GRK7: variants seen among roughly 807,000 people sequenced by gnomAD.
GRK7 encodes G protein-coupled receptor kinase 7.
A neutral mutation model predicts 34.1 loss-of-function variants in GRK7; 24 were observed. The ratio of observed to expected loss-of-function variants is 0.70; its 90% confidence interval spans 0.51 to 0.99. The LOEUF is 0.99. GRK7 is among the 50% of genes least tolerant of loss of function. GRK7 has a pLI of 0.00. For missense variants in GRK7, 644 were observed against 707.3 expected, an observed-to-expected ratio of 0.91 and a Z score of 1.02; for synonymous variants, 256 against 279.4, an observed-to-expected ratio of 0.92 and a Z score of 0.84.
chr3:141,757,033 C>A, the GRK7 span, among the ~76,000 whole-genome samples: 1 of 151,606 alleles, frequency 6.6e-6, no homozygotes, highest in South Asian at 2.1e-4. Context: ...AATCTTGGAG[C>A]TACCCCCAAT....
intron 5 of GRK7, among the ~76,000 whole-genome samples, chr3:141,808,731 T>A (rs1373946017): frequency 6.6e-6 from 1 of 151,220 alleles, no homozygotes; most frequent in Non-Finnish European, 1.5e-5. Context: ...AGAAAGAAAG[T>A]AAGTAGAACG....
Position 141,817,107 on chromosome 3 carries a change from T to C in GRK7, c.*57T>C. The C allele has an allele frequency of 7.5e-7, 1 of 1,331,482 alleles. No individual in the cohort carries two copies. The allele number at this position is 1,331,482 out of a possible 1,614,324, so 82.5% of individuals were successfully genotyped here. ...TCTCGGCTGACATAATCCTCGAATG[T>C]TCCACACGTGGAAATCTGTGGAATG... On this transcript the variant is annotated 3_prime_UTR_variant, in exon 6 of 6. Coordinates refer to ENST00000682958, the MANE Select transcript of GRK7 (RefSeq NM_139209.3).
chr3:141,807,862 C>G lies in GRK7; in HGVS notation c.1268C>G (p.Ala423Gly), dbSNP rs757873502. The change falls in exon 5 of 6, where the codon GCA becomes GGA. Residue 423 changes from alanine (A) to glycine (G), a missense_variant. Ala to Gly is a moderately conservative substitution (Grantham distance 60). Coordinates refer to ENST00000682958, the MANE Select transcript of GRK7 (RefSeq NM_139209.3). ...KFQHDNFTEEAKDICRLFLAK... is the reference protein window; with the variant it reads ...KFQHDNFTEEGKDICRLFLAK... ...CAGCATGATAACTTCACAGAGGAAGCAAAAGATATTTGCAGGCTCTTCTTG... is the reference window on the plus strand; with the variant it reads ...CAGCATGATAACTTCACAGAGGAAGGAAAAGATATTTGCAGGCTCTTCTTG... The G allele has an allele frequency of 6.2e-7, 1 of 1,611,116 alleles. No homozygotes were observed. Among genetic ancestry groups the G allele is most frequent in the Non-Finnish European group, 8.5e-7 (1 of 1,177,986 alleles).
intron 2 of GRK7, among the ~76,000 whole-genome samples, chr3:141,777,342 T>TTTTTTTTTTTTTTTTTTTTTTAA (rs1577912931): frequency 8.1e-6 from 1 of 123,934 alleles, no homozygotes; most frequent in Non-Finnish European, 1.7e-5. Flanking sequence ...TTTTTTTTTT[T>TTTTTTTTTTTTTTTTTTTTTTAA]GAGACGGAGT....
chr3:141,779,804 A>G (rs1245822439), intron 3 of GRK7, among the ~76,000 whole-genome samples: 1 of 152,212 alleles, frequency 6.6e-6, no homozygotes, highest in African/African-American at 2.4e-5. Context: ...TTCACTCATT[A>G]GAATGTTTTT....
chr3:141,810,893 T>C (rs1367319738), intron 5 of GRK7, among the ~76,000 whole-genome samples: 1 of 152,156 alleles, frequency 6.6e-6, no homozygotes, highest in Non-Finnish European at 1.5e-5. Flanking sequence ...TCTACCCTCA[T>C]GATCTTCAAG....
At chr3:141,756,008 TAAAAAAA>T in the GRK7 span, among the ~76,000 whole-genome samples, 3 of 137,560 alleles carry the variant, frequency 2.2e-5, no homozygotes, top group Non-Finnish European at 4.8e-5. Flanking sequence ...CTCAGCAGTT[TAAAAAAA>T]AAAAAAAAAA....
At position 141,780,344 on chromosome 3, in the gene GRK7, C is replaced by A. The variant is rs142906049; in HGVS notation, c.613-30C>A. ...TCTCTGCAGTACCATCTACTTCTACCTCTTTCTCTTCTTTTCTTTCTCCTT... is the reference window on the plus strand; with the variant it reads ...TCTCTGCAGTACCATCTACTTCTACATCTTTCTCTTCTTTTCTTTCTCCTT... On this transcript the variant is annotated intron_variant, in intron 3 of 5. Transcript: ENST00000682958. 8.1e-5 allele frequency: 128 copies of A among 1,588,064 alleles called. No individual in the cohort carries two copies. In the African/African-American group the frequency reaches 1.5e-3, roughly 18 times the overall value.
chr3:141,817,120 A>AC lies in GRK7; in HGVS notation c.*70_*71insC. The AC allele has an allele frequency of 8.3e-7, 1 of 1,211,222 alleles. No individual in the cohort carries two copies. 75.0% of individuals were successfully genotyped at this position (1,211,222 alleles called of 1,614,324 possible). On this transcript the variant is annotated 3_prime_UTR_variant, in exon 6 of 6. Transcript: ENST00000682958. ...AATCCTCGAATGTTCCACACGTGGA[A>AC]ATCTGTGGAATGAGGGCTAATCAGT...
chr3:141,759,997 GTGA>G (rs2084548155), upstream of GRK7, among the ~76,000 whole-genome samples: 1 of 67,904 alleles, frequency 1.5e-5, no homozygotes, highest in African/African-American at 6.1e-5. Context: ...GGGATCAGTG[GTGA>G]TATCCCCTTT....
intron 4 of GRK7, among the ~76,000 whole-genome samples, chr3:141,784,719 C>T (rs2084687600): frequency 6.6e-6 from 1 of 152,212 alleles, no homozygotes; most frequent in African/African-American, 2.4e-5. Flanking sequence ...TAGAGAATTA[C>T]TGTGAACATT....
chr3:141,818,659 T>A lies in GRK7; in HGVS notation c.*1609T>A, dbSNP rs915001695. Among the ~76,000 whole-genome samples the A allele has an allele frequency of 2.0e-4, 30 of 152,162 alleles. No homozygotes were observed. Among genetic ancestry groups the A allele is most frequent in the African/African-American group, 7.0e-4 (29 of 41,440 alleles). ...CGAAAAAATATTTGGGATACAAATA[T>A]AAAGCTGAGTGATATTTTTTAAAAG... On this transcript the variant is annotated 3_prime_UTR_variant, in exon 6 of 6. Coordinates refer to ENST00000682958, the MANE Select transcript of GRK7 (RefSeq NM_139209.3).
upstream of GRK7, among the ~76,000 whole-genome samples, chr3:141,759,844 G>A (rs2084547611): frequency 1.4e-5 from 1 of 69,824 alleles, no homozygotes; most frequent in Non-Finnish European, 2.9e-5. Flanking sequence ...TCCTGTTATT[G>A]GTCTATTCAG....
chr3:141,810,947 AG>A (rs1711086820), intron 5 of GRK7, among the ~76,000 whole-genome samples: 1 of 152,146 alleles, frequency 6.6e-6, no homozygotes, highest in African/African-American at 2.4e-5. Context: ...CTGAGTCAGG[AG>A]GACAGTCTGT....
At chr3:141,752,505 T>C in the GRK7 span, among the ~76,000 whole-genome samples, 2 of 152,250 alleles carry the variant, frequency 1.3e-5, no homozygotes, top group Admixed American at 6.5e-5. Flanking sequence ...TCCTGATTAA[T>C]AATAACTTAT....
At chr3:141,787,899 A>G (rs750131663) in intron 4 of GRK7, among the ~76,000 whole-genome samples, 4 of 151,444 alleles carry the variant, frequency 2.6e-5, no homozygotes, top group Non-Finnish European at 5.9e-5. Flanking sequence ...AATCCCAGCT[A>G]CTCAGGAGGC....
intron 2 of GRK7, among the ~76,000 whole-genome samples, chr3:141,777,583 G>A (rs550598579): frequency 7.4e-5 from 11 of 148,176 alleles, no homozygotes; most frequent in African/African-American, 2.8e-4. Context: ...TGATCCGCCC[G>A]GAGATGGCCC....
chr3:141,780,837 G>C, intron 4 of GRK7, 26 bp downstream of exon 4: 1 of 1,589,530 alleles, frequency 6.3e-7, no homozygotes, highest in South Asian at 1.1e-5. Flanking sequence ...CCTGCCCCAA[G>C]TGCGGGGCAC....
chr3:141,781,762 G>T (rs1241509986), intron 4 of GRK7, among the ~76,000 whole-genome samples: 1 of 152,152 alleles, frequency 6.6e-6, no homozygotes, highest in Non-Finnish European at 1.5e-5. Flanking sequence ...TGTTCAAAGT[G>T]ACTTGCTTAA....
Sources: allele counts gnomAD v4.1 joint callset (sites outside exome capture counted in the v4.1 genomes callset), GRCh38; gene constraint gnomAD v4.1.1; transcripts MANE v1.5; gene names NCBI Gene and HGNC (gene_info 2026-07-23, HGNC 2026-07-21).